Variants in CNTNAP2 observed in about 807,000 individuals in gnomAD.
The protein encoded by CNTNAP2 is contactin associated protein 2.
In CNTNAP2, 98 loss-of-function variants were observed where a neutral mutation model predicts 155.2. The ratio of observed to expected loss-of-function variants is 0.63; its 90% CI spans 0.54 to 0.75. The LOEUF (loss-of-function observed/expected upper bound fraction) is 0.75. Ranked by LOEUF, CNTNAP2 falls within the 30% of genes least tolerant of loss-of-function variation. CNTNAP2 has a pLI of 0.00. For missense variants in CNTNAP2, 1,727 were observed against 1,688.1 expected (o/e 1.02, Z -0.40); for synonymous variants, 651 against 631.2 (o/e 1.03, Z -0.47).
intron 3 of CNTNAP2, among the ~76,000 whole-genome samples, chr7:146,852,639 T>A (rs1490786468): frequency 6.6e-6 from 1 of 152,202 alleles, no homozygotes; most frequent in African/African-American, 2.4e-5. Context: ...AAACATGCAT[T>A]CTAAACAATG....
chr7:147,013,465 A>C lies in CNTNAP2; in HGVS notation c.403-30442A>C, dbSNP rs150225433. ...CATCCATTTTAGCTAACCTCACAAA[A>C]TATACTGTCCCTAAAAACTCAGTCT... On this transcript the variant is annotated intron_variant, in intron 3 of 23. Coordinates refer to ENST00000361727, the MANE Select transcript of CNTNAP2 (RefSeq NM_014141.6). Among the ~76,000 whole-genome samples the C allele has an allele frequency of 1.3e-3, 201 of 152,238 alleles. 1 individual carries two copies. The highest frequency in any genetic ancestry group is 4.7e-3 in the African/African-American group (196 of 41,566).
At chr7:147,447,267 A>C (rs12539907) in intron 10 of CNTNAP2, among the ~76,000 whole-genome samples, 30,102 of 152,106 alleles carry the variant, frequency 0.2, 3,167 homozygotes, top group East Asian at 0.36. Context: ...TCTACATGTG[A>C]ATATATAGAT....
chr7:147,625,226 G>A (rs575759382), intron 12 of CNTNAP2, among the ~76,000 whole-genome samples: 1 of 152,052 alleles, frequency 6.6e-6, no homozygotes, highest in Admixed American at 6.6e-5. Context: ...TAACTTAATT[G>A]TACATTTTAA....
intron 9 of CNTNAP2, among the ~76,000 whole-genome samples, chr7:147,301,446 A>G (rs546131160): frequency 1.3e-5 from 2 of 152,182 alleles, no homozygotes; most frequent in African/African-American, 4.8e-5. Flanking sequence ...GATGTAAAAA[A>G]TAAATCACAT....
intron 1 of CNTNAP2, among the ~76,000 whole-genome samples, chr7:146,692,684 TTTG>T (rs995810406): frequency 7.2e-5 from 11 of 152,142 alleles, no homozygotes; most frequent in Non-Finnish European, 1.2e-4. Context: ...AGCATCAGTT[TTTG>T]TTGTTTTTTC....
At position 147,582,296 on chromosome 7, in the gene CNTNAP2, A is replaced by G. The variant is rs1483839040; in HGVS notation, c.1897+20039A>G. Among the ~76,000 whole-genome samples the G allele has an allele frequency of 2.6e-5, 4 of 152,130 alleles. No homozygotes were observed. The South Asian group carries it at 8.3e-4, about 31-fold the overall frequency. On this transcript the variant is annotated intron_variant, in intron 12 of 23. Transcript: ENST00000361727. ...ATACTGTATAGGTTCACTTTACTAA[A>G]ATGTAATCTCTGTTTCAACAAATCT... is the stretch of plus-strand genomic sequence containing the variant.
At chr7:146,142,555 G>GA (rs1384239132) in intron 1 of CNTNAP2, among the ~76,000 whole-genome samples, 4 of 152,174 alleles carry the variant, frequency 2.6e-5, no homozygotes, top group Admixed American at 6.5e-5. Flanking sequence ...ATTAAAGATA[G>GA]AAAAATCTAT....
chr7:148,045,327 G>A (rs1023123662), intron 15 of CNTNAP2, among the ~76,000 whole-genome samples: 2 of 152,054 alleles, frequency 1.3e-5, no homozygotes, highest in African/African-American at 4.8e-5. Flanking sequence ...TAATGGGGGT[G>A]GGTGGTGGGG....
rs147039603 is a variant in CNTNAP2 at position 148,382,322 on chromosome 7, A to G, written c.3476-1327A>G. Among the ~76,000 whole-genome samples the G allele has an allele frequency of 6.1e-3, 927 of 152,344 alleles. 8 individuals are homozygous for G. Among genetic ancestry groups the G allele is most frequent in the Middle Eastern group, 0.034 (10 of 294 alleles). ...TCTCCCTTGAGGCCACCTCAGAAGG[A>G]GATACCAAGGGGAAGACAGCTCTTT... On this transcript the variant is annotated intron_variant, in intron 21 of 23. Transcript: ENST00000361727.
At chr7:146,493,949 A>G (rs553257678) in intron 1 of CNTNAP2, among the ~76,000 whole-genome samples, 4 of 152,326 alleles carry the variant, frequency 2.6e-5, no homozygotes, top group Non-Finnish European at 5.9e-5. Context: ...AGGTGCACTC[A>G]TATCTCAGAT....
intron 19 of CNTNAP2, among the ~76,000 whole-genome samples, chr7:148,225,848 C>A (rs1447122076): frequency 2.0e-5 from 3 of 152,130 alleles, no homozygotes; most frequent in Admixed American, 1.3e-4. Context: ...ACAGTCAAGG[C>A]TTTTGGCAAG....
intron 1 of CNTNAP2, among the ~76,000 whole-genome samples, chr7:146,675,870 A>G (rs1364956437): frequency 6.6e-6 from 1 of 152,114 alleles, no homozygotes; most frequent in Non-Finnish European, 1.5e-5. Context: ...TTCCTTATCA[A>G]TACATATGCT....
chr7:147,463,819 A>T (rs1798066006), intron 10 of CNTNAP2, among the ~76,000 whole-genome samples: 2 of 152,230 alleles, frequency 1.3e-5, no homozygotes, highest in East Asian at 3.8e-4. Flanking sequence ...ACAAAACAGT[A>T]GTAATTGTTT....
chr7:147,314,583 G>T (rs1584866567), intron 9 of CNTNAP2, among the ~76,000 whole-genome samples: 2 of 150,614 alleles, frequency 1.3e-5, no homozygotes, highest in East Asian at 3.9e-4. Context: ...GATATTCTCT[G>T]CCAGCATTGG....
chr7:146,981,289 C>G (rs1293138383), intron 3 of CNTNAP2, among the ~76,000 whole-genome samples: 2 of 152,094 alleles, frequency 1.3e-5, no homozygotes, highest in African/African-American at 4.8e-5. Context: ...TATGGTAATT[C>G]AAAGATATTT....
At chr7:148,164,745 T>C (rs1219634609) in intron 17 of CNTNAP2, among the ~76,000 whole-genome samples, 3 of 150,308 alleles carry the variant, frequency 2.0e-5, no homozygotes, top group African/African-American at 7.3e-5. Context: ...CTCAGCCTCC[T>C]GAGTAGCTGG....
At chr7:147,734,923 C>G (rs1451902453) in intron 13 of CNTNAP2, among the ~76,000 whole-genome samples, 3 of 151,220 alleles carry the variant, frequency 2.0e-5, no homozygotes, top group Non-Finnish European at 4.4e-5. Context: ...CTTTATTAGT[C>G]TTGCTAGCGG....
At chr7:147,225,898 GGAAGGAAA>G (rs1366019096) in intron 8 of CNTNAP2, among the ~76,000 whole-genome samples, 10 of 116,958 alleles carry the variant, frequency 8.6e-5, no homozygotes, top group South Asian at 2.6e-4. Context: ...AAGGAAGGAA[GGAAGGAAA>G]GAAGGAAGGA....
In CNTNAP2 at chr7:147,698,420, T is replaced by G. The variant is rs138843999; in HGVS notation, c.2098+59114T>G. On this transcript the variant is annotated intron_variant, in intron 13 of 23. Transcript: ENST00000361727. ...TACCATTACATCACATATTTAAACA[T>G]CTATTATTGATAGATTTGTTTTAAA... Among the ~76,000 whole-genome samples, 144 of 152,290 alleles carry G rather than the reference T, an allele frequency of 9.5e-4. 1 individual carries two copies. In the East Asian group the frequency reaches 0.024, roughly 25 times the overall value.
Sources: allele counts gnomAD v4.1 joint callset (sites outside exome capture counted in the v4.1 genomes callset), GRCh38; gene constraint gnomAD v4.1.1; transcripts MANE v1.5; gene names NCBI Gene and HGNC (gene_info 2026-07-23, HGNC 2026-07-21).